The following AMZ1 variants were observed in gnomAD, a reference collection of about 807,000 sequenced individuals.
The protein encoded by AMZ1 is archaemetzincin-1.
Under a neutral mutation model 29.9 loss-of-function variants are expected in AMZ1, and 39 were observed. That is an observed-to-expected ratio of 1.30 (90% CI 1.01 to 1.70). The LOEUF (loss-of-function observed/expected upper bound fraction) is 1.70. Ranked by LOEUF, AMZ1 falls within the 40% of genes most tolerant of loss-of-function variation. The pLI is 0.00. For missense variants in AMZ1, 1,041 were observed against 680.6 expected, an observed-to-expected ratio of 1.53 and a Z score of -5.89; for synonymous variants, 458 against 304.0, an observed-to-expected ratio of 1.51 and a Z score of -5.27.
At chr7:2,727,769 TGG>T (rs1175222434) in intron 4 of AMZ1, among the ~76,000 whole-genome samples, 1 of 152,004 alleles carries the variant, frequency 6.6e-6, no homozygotes, top group Non-Finnish European at 1.5e-5. Flanking sequence ...GGATTAGAGC[TGG>T]GTGTGGTGGC....
At chr7:2,751,954 C>G (rs188287408) in intron 4 of AMZ1, among the ~76,000 whole-genome samples, 28 of 152,258 alleles carry the variant, frequency 1.8e-4, no homozygotes, top group African/African-American at 6.7e-4. Flanking sequence ...CGAACGTGAA[C>G]TTTTTCAGAA....
chr7:2,714,903 A>C lies in AMZ1; in HGVS notation c.*2025A>C, dbSNP rs1789029572. On this transcript the variant is annotated 3_prime_UTR_variant, in exon 7 of 7. Coordinates refer to ENST00000683327, the MANE Select transcript of AMZ1 (RefSeq NM_001384743.1). Reference sequence around the variant, plus strand: ...TCCTGGTCCCAGTCCCGGAAAATGCAAAGGGACAAGTATGTGTTGATTTCA... The same window carrying C: ...TCCTGGTCCCAGTCCCGGAAAATGCCAAGGGACAAGTATGTGTTGATTTCA... 6.6e-6 allele frequency: 1 copy of C among 152,326 alleles called. No homozygotes were observed. Among genetic ancestry groups the C allele is most frequent in the South Asian group, 2.1e-4 (1 of 4,834 alleles). 9.4% of individuals were successfully genotyped at this position (152,326 alleles called of 1,614,324 possible). A position where few individuals can be genotyped will look rare whatever the true frequency, so the allele number is the denominator to read the frequency against.
chr7:2,703,991 C>G (rs950060066), intron 3 of AMZ1, among the ~76,000 whole-genome samples: 62 of 152,136 alleles, frequency 4.1e-4, no homozygotes, highest in African/African-American at 1.4e-3. Context: ...CGGGTTCACA[C>G]CATTCTCCTG....
intron 1 of AMZ1, among the ~76,000 whole-genome samples, chr7:2,693,187 C>T (rs561778158): frequency 5.3e-5 from 8 of 152,024 alleles, no homozygotes; most frequent in South Asian, 2.1e-4. Context: ...CCGCAACCTC[C>T]GCCTCCCGAG....
At chr7:2,709,941 C>A in intron 6 of AMZ1, 125 bp downstream of exon 6, 6 of 1,319,608 alleles carry the variant, frequency 4.5e-6, no homozygotes, top group African/African-American at 1.5e-5. Flanking sequence ...GGGTTCCAGG[C>A]AGTGCAGAGC....
At chr7:2,733,219 CT>C (rs541676262) in intron 4 of AMZ1, among the ~76,000 whole-genome samples, 3 of 151,900 alleles carry the variant, frequency 2.0e-5, no homozygotes, top group Non-Finnish European at 4.4e-5. Context: ...ATGAACTCCT[CT>C]GTCTGTCTCC....
At chr7:2,722,334 G>A (rs1373512902), downstream of AMZ1, among the ~76,000 whole-genome samples, 1 of 151,552 alleles carries the variant, frequency 6.6e-6, no homozygotes, top group Non-Finnish European at 1.5e-5. Context: ...GTGCAGTGGC[G>A]CGATCTCGGC....
At chr7:2,760,910 G>T (rs1277322270), upstream of AMZ1, among the ~76,000 whole-genome samples, 1 of 151,812 alleles carries the variant, frequency 6.6e-6, no homozygotes, top group African/African-American at 2.4e-5. Flanking sequence ...GGTGGGGAGT[G>T]GGGGGTTCTG....
Position 2,737,735 on chromosome 7 carries a change from A to C in AMZ1, n.551-26977A>C, listed in dbSNP as rs574765969. ...CTCACTTCAACGTGACAAATTACAA[A>C]GACAAATTTTAAAACTGCTGTGTAT... On this transcript the variant is annotated intron_variant and non_coding_transcript_variant, in intron 4 of 4. Transcript: ENST00000489665. 3.2e-4 allele frequency among the ~76,000 whole-genome samples: 49 copies of C among 152,374 alleles called. No individual in the cohort carries two copies. In the East Asian group the frequency reaches 8.3e-3, roughly 26 times the overall value.
chr7:2,759,179 AT>A (rs1403295301), intron 4 of AMZ1, among the ~76,000 whole-genome samples: 48 of 148,834 alleles, frequency 3.2e-4, no homozygotes, highest in East Asian at 5.8e-4. Flanking sequence ...AAATAAATAA[AT>A]AAATAAATAA....
At chr7:2,721,067 G>C (rs1241544075), downstream of AMZ1, among the ~76,000 whole-genome samples, 1 of 152,226 alleles carries the variant, frequency 6.6e-6, no homozygotes, top group Non-Finnish European at 1.5e-5. Flanking sequence ...ACGCCCACAG[G>C]TCTGGTGGTG....
rs768463037 is a variant in AMZ1 at position 2,731,286 on chromosome 7, G to A, written n.550+21470G>A. On this transcript the variant is annotated intron_variant and non_coding_transcript_variant, in intron 4 of 4. Coordinates refer to the AMZ1 transcript ENST00000489665. The surrounding 1 kb of genome is among the most constrained non-coding windows in gnomAD (Gnocchi z 6.0). ...TGTCGATGGCGGTGGTGAAGTGGTG[G>A]AAGAGTGGCTTGCTGCGGTTCCGTC... 2 of 1,612,268 alleles carry A rather than the reference G, an allele frequency of 1.2e-6. No individual in the cohort carries two copies. The highest frequency in any genetic ancestry group is 1.7e-5 in the Admixed American group (1 of 59,922).
At chr7:2,704,698 G>T (rs1390981101) in intron 3 of AMZ1, among the ~76,000 whole-genome samples, 1 of 145,618 alleles carries the variant, frequency 6.9e-6, no homozygotes, top group African/African-American at 2.6e-5. Context: ...CTGGGTTCAT[G>T]CCATTCTCCT....
At chr7:2,684,689 C>A (rs1225797740), upstream of AMZ1, among the ~76,000 whole-genome samples, 1 of 152,122 alleles carries the variant, frequency 6.6e-6, no homozygotes, top group Non-Finnish European at 1.5e-5. Flanking sequence ...CTGAGTGAAG[C>A]CTTGGCTGGC....
intron 1 of AMZ1, among the ~76,000 whole-genome samples, chr7:2,693,458 C>A (rs1004985768): frequency 2.0e-5 from 3 of 152,184 alleles, no homozygotes; most frequent in Admixed American, 6.6e-5. Context: ...CAGCTCACTG[C>A]AGCCTTGGAC....
chr7:2,755,330 T>G (rs1343619818), intron 4 of AMZ1, among the ~76,000 whole-genome samples: 2 of 152,252 alleles, frequency 1.3e-5, no homozygotes, highest in Non-Finnish European at 2.9e-5. Flanking sequence ...GTGTCAAATC[T>G]GTGTATCAAT....
At chr7:2,706,394 G>T (rs1788356126) in intron 3 of AMZ1, among the ~76,000 whole-genome samples, 1 of 152,210 alleles carries the variant, frequency 6.6e-6, no homozygotes, top group Admixed American at 6.5e-5. Flanking sequence ...GCATGCTTTG[G>T]ATCACTGTAC....
At chr7:2,690,858 C>T (rs1276046438) in intron 1 of AMZ1, among the ~76,000 whole-genome samples, 2 of 152,110 alleles carry the variant, frequency 1.3e-5, no homozygotes, top group African/African-American at 2.4e-5. Flanking sequence ...AGGCATTTCT[C>T]AGCCGGGTGT....
At chr7:2,700,836 C>G in intron 2 of AMZ1, 81 bp downstream of exon 2, 2 of 1,516,130 alleles carry the variant, frequency 1.3e-6, no homozygotes, top group Non-Finnish European at 1.8e-6. Flanking sequence ...CTGTGCATAG[C>G]CCCCAGGCAG....
Sources: allele counts gnomAD v4.1 joint callset (sites outside exome capture counted in the v4.1 genomes callset), GRCh38; gene constraint gnomAD v4.1.1; non-coding constraint Gnocchi (gnomAD v3.1); transcripts MANE v1.5; gene names NCBI Gene and HGNC (gene_info 2026-07-23, HGNC 2026-07-21).